Variants in GRM4 observed in about 807,000 individuals in gnomAD.
GRM4 encodes glutamate metabotropic receptor 4.
A neutral mutation model predicts 81.7 loss-of-function variants in GRM4; 28 were observed. The observed-to-expected ratio is 0.34, with a 90% CI of 0.25 to 0.47. The LOEUF (loss-of-function observed/expected upper bound fraction) is 0.47. GRM4 is among the 20% of genes least tolerant of loss of function. The pLI is 1.00. For missense variants in GRM4, 948 were observed against 1,290.0 expected (o/e 0.73, Z 4.06); for synonymous variants, 488 against 528.8 (o/e 0.92, Z 1.06).
At chr6:34,108,370 A>G (rs1179837993) in intron 2 of GRM4, among the ~76,000 whole-genome samples, 1 of 152,216 alleles carries the variant, frequency 6.6e-6, no homozygotes, top group Non-Finnish European at 1.5e-5. Context: ...AGGCCTCACC[A>G]GAAACCTGTT....
intron 2 of GRM4, chr6:34,103,515 C>A (rs1033218982): frequency 2.3e-6 from 3 of 1,296,818 alleles, no homozygotes; most frequent in Non-Finnish European, 3.2e-6. Flanking sequence ...GGAGAGCAAA[C>A]GCGATCCTCA....
intron 10 of GRM4, chr6:34,024,835 C>A: frequency 4.5e-6 from 2 of 446,338 alleles, no homozygotes; most frequent in African/African-American, 2.0e-5. Flanking sequence ...GCCACAACAT[C>A]CAAAAAAAGA....
At chr6:34,123,916 G>A (rs1405152108) in intron 2 of GRM4, among the ~76,000 whole-genome samples, 1 of 152,184 alleles carries the variant, frequency 6.6e-6, no homozygotes, top group Non-Finnish European at 1.5e-5. Flanking sequence ...TGGGGGCTGG[G>A]GGGAGTAACG....
In GRM4 at chr6:34,056,303, G is replaced by T. The variant is rs1007839876; in HGVS notation, c.1168+241C>A. ...TAGGGCCGTCCACATCAACCCCGAG[G>T]CGGCCAGAGGCCTTACCACTCCCAA... On this transcript the variant is annotated intron_variant, in intron 6 of 10. Coordinates refer to ENST00000538487, the MANE Select transcript of GRM4 (RefSeq NM_000841.4). 1.7e-5 allele frequency: 9 copies of T among 541,494 alleles called. No homozygotes were observed. In the African/African-American group the frequency reaches 1.7e-4, roughly 10 times the overall value. The allele number at this position is 541,494 out of a possible 1,614,324, so 33.5% of individuals were successfully genotyped here.
At chr6:34,032,179 C>T (rs559304994) in intron 9 of GRM4, among the ~76,000 whole-genome samples, 2 of 152,266 alleles carry the variant, frequency 1.3e-5, no homozygotes, top group South Asian at 4.1e-4. Flanking sequence ...CAGCTACATA[C>T]CCTTCAGCAC....
At position 34,022,464 on chromosome 6, in the gene GRM4, G is replaced by T; in HGVS notation, c.*357C>A. On this transcript the variant is annotated 3_prime_UTR_variant, in exon 11 of 11. Coordinates refer to ENST00000538487, the MANE Select transcript of GRM4 (RefSeq NM_000841.4). This position sits in a 1 kb window ranked among gnomAD's most constrained non-coding sequence, Gnocchi z 5.6. ...GATAAGAGAACAGAAAGACAGGGCT[G>T]GAGACAGACAGAGGGGTCGCCAACA... 1 of 308,548 alleles carries T rather than the reference G, an allele frequency of 3.2e-6. No individual in the cohort carries two copies. The highest frequency in any genetic ancestry group is 6.1e-6 in the Non-Finnish European group (1 of 164,200). 19.1% of individuals were successfully genotyped at this position (308,548 alleles called of 1,614,324 possible).
chr6:34,071,364 TCAC>T (rs1766823795), intron 3 of GRM4, among the ~76,000 whole-genome samples: 1 of 24,312 alleles, frequency 4.1e-5, no homozygotes, highest in African/African-American at 1.9e-4. Context: ...CACACACACA[TCAC>T]CACACACATA....
intron 2 of GRM4, among the ~76,000 whole-genome samples, chr6:34,128,321 C>A (rs754928497): frequency 6.6e-6 from 1 of 151,798 alleles, no homozygotes; most frequent in Non-Finnish European, 1.5e-5. Flanking sequence ...TGTGGGCTGA[C>A]TGTGTGCCAG....
chr6:34,154,277 G>C (rs532958030), intron 1 of GRM4, among the ~76,000 whole-genome samples: 48 of 152,282 alleles, frequency 3.2e-4, no homozygotes, highest in African/African-American at 1.1e-3. Context: ...CCTCACCGCG[G>C]TCCTGCTCCC....
chr6:34,033,081 A>T (rs1764514092), intron 9 of GRM4, among the ~76,000 whole-genome samples: 1 of 152,116 alleles, frequency 6.6e-6, no homozygotes, highest in Admixed American at 6.5e-5. Context: ...CTCTGCCTGC[A>T]CCTGCGCTCA....
chr6:34,108,833 G>A (rs1018783487), intron 2 of GRM4, among the ~76,000 whole-genome samples: 2 of 151,998 alleles, frequency 1.3e-5, no homozygotes, highest in African/African-American at 4.8e-5. Flanking sequence ...GAAGGCACTG[G>A]CACCAGCCCC....
chr6:34,117,642 G>A (rs1769650282), intron 2 of GRM4, among the ~76,000 whole-genome samples: 1 of 152,116 alleles, frequency 6.6e-6, no homozygotes, highest in Non-Finnish European at 1.5e-5. Flanking sequence ...TCTCTCCAGG[G>A]CCCTGAGTAT....
intron 2 of GRM4, chr6:34,103,742 G>A (rs1383728234): frequency 4.0e-6 from 6 of 1,491,526 alleles, no homozygotes; most frequent in South Asian, 3.9e-5. Flanking sequence ...ACTCCCATAG[G>A]TGAGAAGCTG....
intron 1 of GRM4, among the ~76,000 whole-genome samples, chr6:34,137,637 G>T (rs906249899): frequency 6.6e-6 from 1 of 151,604 alleles, no homozygotes; most frequent in Non-Finnish European, 1.5e-5. Flanking sequence ...AGGCTGGAGT[G>T]CAGTGGTGCA....
At chr6:34,144,481 C>T (rs537514969) in intron 1 of GRM4, among the ~76,000 whole-genome samples, 2 of 152,208 alleles carry the variant, frequency 1.3e-5, no homozygotes, top group Non-Finnish European at 2.9e-5. Flanking sequence ...GAGAGCCTGA[C>T]CCTGAAGTCC....
chr6:34,093,587 AT>A (rs1364698452), intron 2 of GRM4, among the ~76,000 whole-genome samples: 6 of 152,268 alleles, frequency 3.9e-5, no homozygotes, highest in African/African-American at 1.2e-4. Context: ...CAGGTGGTGT[AT>A]GGGTGGCCTA....
At chr6:34,040,795 C>T (rs908923563) in intron 6 of GRM4, 47 bp from the exon 7 acceptor site, 1 of 1,497,768 alleles carries the variant, frequency 6.7e-7, no homozygotes, top group African/African-American at 1.4e-5. Flanking sequence ...GCCCACTGTC[C>T]TCACAGTGGT....
At chr6:34,143,061 A>C (rs1192097229) in intron 1 of GRM4, among the ~76,000 whole-genome samples, 1 of 152,212 alleles carries the variant, frequency 6.6e-6, no homozygotes, top group Non-Finnish European at 1.5e-5. Flanking sequence ...TCTTAAATGC[A>C]GATGCCCCTG....
rs1768057462 is a variant in GRM4, at chr6:34,089,016, AG to A, written c.736+2866del. On this transcript the variant is annotated intron_variant, in intron 3 of 10. Coordinates refer to ENST00000538487, the MANE Select transcript of GRM4 (RefSeq NM_000841.4). This position sits in a 1 kb window ranked among gnomAD's most constrained non-coding sequence, Gnocchi z 4.3. ...TCCCATCCCAGCTCCTCCATGTTCTAGCTCTGTGGCCTTGGGAAAGTGACCC... is the reference window on the plus strand; with the variant it reads ...TCCCATCCCAGCTCCTCCATGTTCTACTCTGTGGCCTTGGGAAAGTGACCC... Among the ~76,000 whole-genome samples the A allele has an allele frequency of 1.3e-5, 2 of 152,156 alleles. No individual in the cohort carries two copies. Among genetic ancestry groups the A allele is most frequent in the Admixed American group, 6.5e-5 (1 of 15,292 alleles).
Sources: allele counts gnomAD v4.1 joint callset (sites outside exome capture counted in the v4.1 genomes callset), GRCh38; gene constraint gnomAD v4.1.1; non-coding constraint Gnocchi (gnomAD v3.1); transcripts MANE v1.5; gene names NCBI Gene and HGNC (gene_info 2026-07-23, HGNC 2026-07-21).